Variants in GRHL2 observed in about 807,000 individuals in gnomAD.
The protein encoded by GRHL2 is grainyhead-like protein 2 homolog.
GRHL2 carries 21 observed loss-of-function variants against 83.8 expected under a neutral mutation model. The ratio of observed to expected loss-of-function variants is 0.25; its 90% CI spans 0.18 to 0.36. The LOEUF (loss-of-function observed/expected upper bound fraction) is 0.36. GRHL2 is among the 10% of genes least tolerant of loss of function. The pLI is 1.00. For missense variants in GRHL2, 623 were observed against 781.8 expected (o/e 0.80, Z 2.42); for synonymous variants, 280 against 278.9 (o/e 1.00, Z -0.04).
chr8:101,679,726 C>A, the GRHL2 span, among the ~76,000 whole-genome samples: 2 of 151,214 alleles, frequency 1.3e-5, no homozygotes, highest in South Asian at 2.1e-4. Context: ...CAGCTGATCT[C>A]TCGGCAGAAA....
intron 7 of GRHL2, among the ~76,000 whole-genome samples, chr8:101,591,677 A>AT (rs1194547797): frequency 1.3e-5 from 2 of 152,176 alleles, no homozygotes; most frequent in African/African-American, 4.8e-5. Context: ...CAGCTATGTG[A>AT]TTTTCCACAA....
At chr8:101,557,314 T>C (rs1320747275) in intron 3 of GRHL2, among the ~76,000 whole-genome samples, 1 of 147,882 alleles carries the variant, frequency 6.8e-6, no homozygotes, top group African/African-American at 2.5e-5. Flanking sequence ...AACCTCTGCC[T>C]CCTGGGTTCA....
intron 2 of GRHL2, among the ~76,000 whole-genome samples, chr8:101,547,935 A>G (rs1202599910): frequency 6.6e-6 from 1 of 152,234 alleles, no homozygotes; most frequent in African/African-American, 2.4e-5. Flanking sequence ...TGACAGAAAA[A>G]TGTGACAGAT....
intron 8 of GRHL2, among the ~76,000 whole-genome samples, chr8:101,605,735 T>C (rs1348329240): frequency 1.3e-5 from 2 of 152,218 alleles, no homozygotes; most frequent in Non-Finnish European, 2.9e-5. Flanking sequence ...CTCCTTGCAC[T>C]CTTCAACGGA....
chr8:101,569,886 T>G (rs997862867), intron 4 of GRHL2, among the ~76,000 whole-genome samples: 3 of 152,244 alleles, frequency 2.0e-5, no homozygotes, highest in Non-Finnish European at 2.9e-5. Flanking sequence ...GTAAAAGAGC[T>G]AGAACTTGAC....
intron 1 of GRHL2, among the ~76,000 whole-genome samples, chr8:101,538,742 C>T (rs1039726216): frequency 6.6e-6 from 1 of 152,180 alleles, no homozygotes; most frequent in Admixed American, 6.5e-5. Context: ...TACATTTTTG[C>T]TCAGTGTACC....
chr8:101,670,391 A>C (rs527951682), downstream of GRHL2, among the ~76,000 whole-genome samples: 122 of 152,310 alleles, frequency 8.0e-4, no homozygotes, highest in African/African-American at 2.8e-3. Context: ...ACAGCTTTCA[A>C]ATCTTGGCTA....
Position 101,657,193 on chromosome 8 carries a change from G to A in GRHL2, c.1699-7261G>A, listed in dbSNP as rs141573416. Among the ~76,000 whole-genome samples the A allele has an allele frequency of 3.5e-3, 525 of 152,148 alleles. 2 individuals are homozygous for A. Among genetic ancestry groups the A allele is most frequent in the Non-Finnish European group, 5.2e-3 (352 of 67,984 alleles). On this transcript the variant is annotated intron_variant, in intron 14 of 15. Transcript: ENST00000646743. ...TGCTTTTTTGATGTATATCTTAAGC[G>A]CCCCCAGTGAATGAACAGCATATAA...
intron 11 of GRHL2, among the ~76,000 whole-genome samples, chr8:101,634,355 G>C (rs1007636788): frequency 1.4e-4 from 21 of 152,170 alleles, no homozygotes; most frequent in African/African-American, 5.1e-4. Context: ...CTTGGACAGT[G>C]GCTAGGGACT....
At chr8:101,622,395 G>A (rs1204538424) in intron 9 of GRHL2, among the ~76,000 whole-genome samples, 1 of 152,168 alleles carries the variant, frequency 6.6e-6, no homozygotes, top group Non-Finnish European at 1.5e-5. Context: ...CAATATTACT[G>A]TAAAGACATT....
chr8:101,600,246 G>A (rs939644806), intron 8 of GRHL2, among the ~76,000 whole-genome samples: 5 of 152,212 alleles, frequency 3.3e-5, no homozygotes, highest in Admixed American at 6.5e-5. Flanking sequence ...AGAAGTTTCC[G>A]TGGCTCAGTG....
chr8:101,576,124 A>T (rs1376346535), intron 6 of GRHL2, among the ~76,000 whole-genome samples: 2 of 152,208 alleles, frequency 1.3e-5, no homozygotes, highest in African/African-American at 4.8e-5. Flanking sequence ...GTTTGATGTT[A>T]ATTGGGAAGA....
chr8:101,582,348 A>G (rs973908205), intron 7 of GRHL2, among the ~76,000 whole-genome samples: 17 of 152,084 alleles, frequency 1.1e-4, no homozygotes, highest in Admixed American at 6.6e-4. Flanking sequence ...GTGCTAGTTG[A>G]TTTGTTGATT....
chr8:101,633,017 T>C (rs2130401925), intron 11 of GRHL2, among the ~76,000 whole-genome samples: 1 of 152,266 alleles, frequency 6.6e-6, no homozygotes, highest in Middle Eastern at 3.4e-3. Flanking sequence ...GGAAACTACA[T>C]AGCAACATGG....
intron 1 of GRHL2, among the ~76,000 whole-genome samples, chr8:101,494,645 C>T (rs1453284533): frequency 2.0e-5 from 3 of 152,184 alleles, no homozygotes; most frequent in African/African-American, 7.2e-5. Flanking sequence ...TTTAATTAAT[C>T]GCGCAATTAA....
chr8:101,507,770 CTTTTT>C (rs11295472), intron 1 of GRHL2, among the ~76,000 whole-genome samples: 1 of 66,306 alleles, frequency 1.5e-5, no homozygotes, highest in Non-Finnish European at 2.7e-5. Context: ...ATGATTATCC[CTTTTT>C]TTTTTTTTTT....
At chr8:101,507,784 T>C (rs1032885921) in intron 1 of GRHL2, among the ~76,000 whole-genome samples, 3 of 147,208 alleles carry the variant, frequency 2.0e-5, no homozygotes, top group Admixed American at 6.8e-5. Flanking sequence ...TTTTTTTTTT[T>C]TTTTTTTTTT....
At chr8:101,651,007 A>G (rs368983204) in intron 14 of GRHL2, among the ~76,000 whole-genome samples, 1 of 152,190 alleles carries the variant, frequency 6.6e-6, no homozygotes, top group African/African-American at 2.4e-5. Context: ...ATTTTTCCAT[A>G]GTATGGAGTT....
intron 14 of GRHL2, among the ~76,000 whole-genome samples, chr8:101,652,600 GGT>G (rs768345168): frequency 7.0e-5 from 5 of 71,600 alleles, no homozygotes; most frequent in Non-Finnish European, 9.6e-5. Flanking sequence ...GTGTGTGTGT[GGT>G]GTGTGTGTGT....
Sources: allele counts gnomAD v4.1 joint callset (sites outside exome capture counted in the v4.1 genomes callset), GRCh38; gene constraint gnomAD v4.1.1; transcripts MANE v1.5; gene names NCBI Gene and HGNC (gene_info 2026-07-23, HGNC 2026-07-21).